TOX3: variants seen among roughly 807,000 people sequenced by gnomAD.
The protein encoded by TOX3 is TOX high mobility group box family member 3.
TOX3 carries 22 observed loss-of-function variants against 64.3 expected under a neutral mutation model. The observed-to-expected ratio is 0.34, with a 90% confidence interval of 0.24 to 0.49. The LOEUF is 0.49. Among genes scored for constraint, TOX3 ranks in the 20% least tolerant of loss-of-function variants. TOX3 has a pLI of 0.99. For missense variants in TOX3, 661 were observed against 714.4 expected (o/e 0.93, Z 0.85); for synonymous variants, 291 against 273.6 (o/e 1.06, Z -0.63).
chr16:52,519,801 A>C (rs1962557239), intron 1 of TOX3, among the ~76,000 whole-genome samples: 1 of 151,946 alleles, frequency 6.6e-6, no homozygotes, highest in Non-Finnish European at 1.5e-5. Flanking sequence ...CTACAAAAAA[A>C]AAATTAAAAA....
intron 3 of TOX3, among the ~76,000 whole-genome samples, chr16:52,454,534 G>A (rs1204080818): frequency 1.3e-5 from 2 of 152,196 alleles, no homozygotes; most frequent in Admixed American, 1.3e-4. Flanking sequence ...AATGGCTAAA[G>A]TGTCTCTTTG....
chr16:52,446,267 G>A (rs1033583537), intron 4 of TOX3, 46 bp from the exon 5 acceptor site: 3 of 1,575,384 alleles, frequency 1.9e-6, no homozygotes, highest in Non-Finnish European at 2.6e-6. Context: ...TACTTGCAGA[G>A]AATGCAACAA....
chr16:52,519,592 A>C, intron 1 of TOX3: 1 of 1,417,420 alleles, frequency 7.1e-7, no homozygotes, highest in Non-Finnish European at 9.2e-7. Context: ...GAGCAGACGA[A>C]AAAAAAAACA....
intron 1 of TOX3, among the ~76,000 whole-genome samples, chr16:52,546,003 G>C (rs1963171724): frequency 6.6e-6 from 1 of 152,198 alleles, no homozygotes; most frequent in African/African-American, 2.4e-5. Context: ...CCAAAAAAAT[G>C]AGAGGAAAGA....
At chr16:52,455,233 G>A (rs1031843571) in intron 3 of TOX3, among the ~76,000 whole-genome samples, 4 of 151,850 alleles carry the variant, frequency 2.6e-5, no homozygotes, top group African/African-American at 7.3e-5. Flanking sequence ...TCTAATTGGC[G>A]ATATTAGATA....
chr16:52,522,259 TG>T (rs1379564504), intron 1 of TOX3, among the ~76,000 whole-genome samples: 1 of 152,306 alleles, frequency 6.6e-6, no homozygotes, highest in East Asian at 1.9e-4. Context: ...CCTAATAAAG[TG>T]GAAGTGTGGA....
intron 4 of TOX3, among the ~76,000 whole-genome samples, chr16:52,448,594 A>G (rs998151407): frequency 6.6e-6 from 1 of 151,872 alleles, no homozygotes; most frequent in Non-Finnish European, 1.5e-5. Context: ...TATAGAATAA[A>G]CCCTTCATCT....
At chr16:52,485,248 A>ATATATATATATATATGTG (rs1471530693) in intron 1 of TOX3, among the ~76,000 whole-genome samples, 2 of 68,866 alleles carry the variant, frequency 2.9e-5, no homozygotes, top group African/African-American at 1.2e-4. Flanking sequence ...GTGTGTGTGT[A>ATATATATATATATATGTG]TATATATATA....
At chr16:52,467,126 A>G (rs544601178) in intron 2 of TOX3, among the ~76,000 whole-genome samples, 2 of 152,318 alleles carry the variant, frequency 1.3e-5, no homozygotes, top group East Asian at 3.9e-4. Flanking sequence ...ATAAAAATGC[A>G]AATCTGGAGA....
At chr16:52,528,791 T>C (rs1314269893) in intron 1 of TOX3, among the ~76,000 whole-genome samples, 1 of 152,176 alleles carries the variant, frequency 6.6e-6, no homozygotes, top group African/African-American at 2.4e-5. Flanking sequence ...CATGAGACAC[T>C]TGAAAGCAAT....
At chr16:52,536,411 G>C (rs567650789) in intron 1 of TOX3, among the ~76,000 whole-genome samples, 130 of 151,546 alleles carry the variant, frequency 8.6e-4, no homozygotes, top group African/African-American at 3.0e-3. Flanking sequence ...GAGGGCTCTA[G>C]ACAGAGAGAA....
At chr16:52,514,554 C>G (rs1054740580) in intron 1 of TOX3, among the ~76,000 whole-genome samples, 5 of 151,962 alleles carry the variant, frequency 3.3e-5, no homozygotes, top group African/African-American at 1.2e-4. Flanking sequence ...TTGGCAAGTT[C>G]AATAGAGCCG....
At chr16:52,441,709 G>T (rs1234528077) in intron 6 of TOX3, among the ~76,000 whole-genome samples, 1 of 152,098 alleles carries the variant, frequency 6.6e-6, no homozygotes, top group African/African-American at 2.4e-5. Flanking sequence ...ATAAAATCCT[G>T]CTGTTGGAAA....
chr16:52,466,208 A>T (rs924225389), intron 2 of TOX3, among the ~76,000 whole-genome samples: 29 of 152,248 alleles, frequency 1.9e-4, no homozygotes, highest in Admixed American at 4.6e-4. Context: ...TGTTTTCATT[A>T]CCACTGTAAT....
In TOX3 at chr16:52,546,794, C is replaced by A; in HGVS notation, c.-71G>T. 7.2e-7 allele frequency: 1 copy of A among 1,391,490 alleles called. No individual in the cohort carries two copies. The highest frequency in any genetic ancestry group is 2.9e-5 in the Admixed American group (1 of 34,566). 86.2% of individuals were successfully genotyped at this position (1,391,490 alleles called of 1,614,324 possible). On this transcript the variant is annotated 5_prime_UTR_variant, in exon 1 of 7. Coordinates refer to ENST00000219746, the MANE Select transcript of TOX3 (RefSeq NM_001080430.4). Reference sequence around the variant, plus strand: ...GGGCCGGGACCCGCCTCCTCGCCGCCGCTAGATCCACCGTCGAGGGCGCCC... The same window carrying A: ...GGGCCGGGACCCGCCTCCTCGCCGCAGCTAGATCCACCGTCGAGGGCGCCC...
intron 1 of TOX3, among the ~76,000 whole-genome samples, chr16:52,517,317 A>G (rs1962485190): frequency 6.6e-6 from 1 of 152,176 alleles, no homozygotes; most frequent in Non-Finnish European, 1.5e-5. Flanking sequence ...TTGACCAGGA[A>G]AGAAGGGTGC....
intron 1 of TOX3, among the ~76,000 whole-genome samples, chr16:52,533,548 C>T (rs1962892154): frequency 6.6e-6 from 1 of 152,140 alleles, no homozygotes; most frequent in African/African-American, 2.4e-5. Context: ...CAAGCAAGGT[C>T]TCCAGTGAGA....
chr16:52,486,813 G>A (rs1405111075), intron 1 of TOX3, among the ~76,000 whole-genome samples: 2 of 152,078 alleles, frequency 1.3e-5, no homozygotes, highest in East Asian at 3.9e-4. Context: ...GTGCGCGCCT[G>A]TAGTCCCAGC....
intron 4 of TOX3, 41 bp from the exon 5 acceptor site, chr16:52,446,262 G>T: frequency 6.3e-7 from 1 of 1,582,438 alleles, no homozygotes; most frequent in South Asian, 1.1e-5. Flanking sequence ...GAATGTACTT[G>T]CAGAGAATGC....
Sources: gnomAD v4.1 joint callset for allele counts (sites outside exome capture counted in the v4.1 genomes callset) on GRCh38, gnomAD v4.1.1 for gene constraint, MANE v1.5 for transcripts, NCBI Gene and HGNC (gene_info 2026-07-23, HGNC 2026-07-21) for gene names.